KDM3A: variants seen among roughly 807,000 people sequenced by gnomAD.
The protein encoded by KDM3A is lysine demethylase 3A.
In KDM3A, 60 loss-of-function variants were observed where a neutral mutation model predicts 158.0. The observed-to-expected ratio is 0.38, with a 90% CI of 0.31 to 0.47. The LOEUF is 0.47. Among genes scored for constraint, KDM3A ranks in the 20% least tolerant of loss-of-function variants. The probability of loss-of-function intolerance (pLI) is 0.99; values close to 1 mark genes in which losing one functional copy is unlikely to be tolerated. For synonymous variants in KDM3A, 608 were observed against 549.3 expected (o/e 1.11, Z -1.49); for missense variants, 1,319 against 1,574.3 (o/e 0.84, Z 2.74).
At chr2:86,465,627 A>G (rs931840717) in intron 9 of KDM3A, among the ~76,000 whole-genome samples, 7 of 152,160 alleles carry the variant, frequency 4.6e-5, no homozygotes, top group Middle Eastern at 3.4e-3. Flanking sequence ...CAGTCTGGTC[A>G]TGAACTCCTG....
At chr2:86,465,761 A>T (rs1487543327) in intron 9 of KDM3A, among the ~76,000 whole-genome samples, 1 of 152,074 alleles carries the variant, frequency 6.6e-6, no homozygotes, top group Non-Finnish European at 1.5e-5. Flanking sequence ...GGGATTTCTA[A>T]CATTTTTTAT....
In KDM3A at chr2:86,441,999, TGTTTTTGTGTTTTTGCAGGGA is replaced by T. The variant is rs1682740894; in HGVS notation, c.-30-17_-27del. 3 of 1,605,086 alleles carry T rather than the reference TGTTTTTGTGTTTTTGCAGGGA, an allele frequency of 1.9e-6. No individual in the cohort carries two copies. The highest frequency in any genetic ancestry group is 2.6e-6 in the Non-Finnish European group (3 of 1,173,906). ...CCCACCGGCCGCCCCCGTCGCATTTTGTTTTTGTGTTTTTGCAGGGAGGAGCTCTTCCTGCAGGCGTGGAAA... is the reference window on the plus strand; with the variant it reads ...CCCACCGGCCGCCCCCGTCGCATTTTGGAGCTCTTCCTGCAGGCGTGGAAA... On this transcript the variant is annotated splice_acceptor_variant and splice_polypyrimidine_tract_variant and 5_prime_UTR_variant and intron_variant, in exon 2 of 26. Transcript: ENST00000312912. LOFTEE classifies it low-confidence loss of function (5UTR_SPLICE).
At chr2:86,446,218 A>G (rs1354080138) in intron 2 of KDM3A, among the ~76,000 whole-genome samples, 1 of 152,244 alleles carries the variant, frequency 6.6e-6, no homozygotes, top group Non-Finnish European at 1.5e-5. Flanking sequence ...ACCCATTAAA[A>G]GAAGAGCAGA....
intron 8 of KDM3A, among the ~76,000 whole-genome samples, chr2:86,461,368 G>T (rs1672922508): frequency 6.6e-6 from 1 of 152,080 alleles, no homozygotes; most frequent in Non-Finnish European, 1.5e-5. Context: ...GATCTACAGT[G>T]GTGATCATCA....
In KDM3A at chr2:86,485,710, C is replaced by T. The variant is rs748428328; in HGVS notation, c.3183-19C>T. ...GAAAAGCAATCTAACTTTGCAAATTCCTGGTTCTGTTGTTCTAGGTTTGAT... is the reference window on the plus strand; with the variant it reads ...GAAAAGCAATCTAACTTTGCAAATTTCTGGTTCTGTTGTTCTAGGTTTGAT... On this transcript the variant is annotated intron_variant, in intron 20 of 25. Transcript: ENST00000312912. 6.2e-7 allele frequency: 1 copy of T among 1,610,038 alleles called. No homozygotes were observed. Among genetic ancestry groups the T allele is most frequent in the South Asian group, 1.1e-5 (1 of 91,000 alleles).
At chr2:86,480,481 G>C in intron 16 of KDM3A, 119 bp downstream of exon 16, 1 of 795,788 alleles carries the variant, frequency 1.3e-6, no homozygotes, top group East Asian at 2.8e-5. Flanking sequence ...GAGTCATCCT[G>C]GAACCTGCCA....
At chr2:86,459,213 G>C (rs1419517793) in intron 8 of KDM3A, among the ~76,000 whole-genome samples, 1 of 152,136 alleles carries the variant, frequency 6.6e-6, no homozygotes, top group East Asian at 1.9e-4. Context: ...TGGTCTAGAA[G>C]GGAACAGATA....
intron 19 of KDM3A, chr2:86,484,599 G>A: frequency 3.8e-6 from 1 of 265,402 alleles, no homozygotes; most frequent in Non-Finnish European, 7.2e-6. Context: ...GTGGGCAAAA[G>A]GGAGCGGCTG....
At chr2:86,477,099 A>G (rs766814415) in intron 12 of KDM3A, among the ~76,000 whole-genome samples, 5 of 152,176 alleles carry the variant, frequency 3.3e-5, no homozygotes, top group African/African-American at 4.8e-5. Flanking sequence ...GAAGGGTTCA[A>G]TGGCCCATCC....
At chr2:86,474,713 G>T in intron 11 of KDM3A, 63 bp from the exon 12 acceptor site, 1 of 707,432 alleles carries the variant, frequency 1.4e-6, no homozygotes, top group East Asian at 2.6e-5. Context: ...GTGTGTGTGT[G>T]TGTGTGTGTG....
At chr2:86,453,495 GA>G (rs1558607666) in intron 4 of KDM3A, among the ~76,000 whole-genome samples, 1 of 152,278 alleles carries the variant, frequency 6.6e-6, no homozygotes, top group African/African-American at 2.4e-5. Context: ...CTGTTGGTAA[GA>G]AAAAGATAAG....
In KDM3A at chr2:86,492,335, C is replaced by T; in HGVS notation, c.*216C>T. On this transcript the variant is annotated 3_prime_UTR_variant, in exon 26 of 26. Coordinates refer to ENST00000312912, the MANE Select transcript of KDM3A (RefSeq NM_018433.6). ...AACATGCATCCTTAAACTGTGACTT[C>T]TCACCTAGTGCAGAACTTTTACCAG... 8.3e-6 allele frequency: 4 copies of T among 481,990 alleles called. No homozygotes were observed. Among genetic ancestry groups the T allele is most frequent in the Non-Finnish European group, 1.5e-5 (4 of 269,042 alleles). The allele number at this position is 481,990 out of a possible 1,614,324, so 29.9% of individuals were successfully genotyped here. A position where few individuals can be genotyped will look rare whatever the true frequency, so the allele number is the denominator to read the frequency against.
Position 86,459,966 on chromosome 2 carries a change from G to A in KDM3A, c.843+2895G>A, listed in dbSNP as rs532554439. 6.6e-5 allele frequency among the ~76,000 whole-genome samples: 10 copies of A among 152,288 alleles called. No homozygotes were observed. In the East Asian group the frequency reaches 7.7e-4, roughly 12 times the overall value. On this transcript the variant is annotated intron_variant, in intron 8 of 25. Coordinates refer to ENST00000312912, the MANE Select transcript of KDM3A (RefSeq NM_018433.6). ...AGCTCTTGAGCTCTATGCTAGTCAC[G>A]TCATTCTAAAGGAAGTCGAAGGTGG...
intron 8 of KDM3A, among the ~76,000 whole-genome samples, 194 bp from the exon 9 acceptor site, chr2:86,463,859 G>C (rs1272903074): frequency 6.6e-6 from 1 of 152,220 alleles, no homozygotes; most frequent in Non-Finnish European, 1.5e-5. Context: ...TTTGTGAAAA[G>C]CTGGAGTGAT....
intron 12 of KDM3A, among the ~76,000 whole-genome samples, chr2:86,475,426 G>C (rs1673619623): frequency 6.6e-6 from 1 of 152,220 alleles, no homozygotes; most frequent in Non-Finnish European, 1.5e-5. Flanking sequence ...AATGAGAACA[G>C]GTTCAGAATG....
intron 12 of KDM3A, among the ~76,000 whole-genome samples, chr2:86,476,119 T>A (rs746073476): frequency 3.3e-5 from 5 of 152,194 alleles, no homozygotes; most frequent in African/African-American, 4.8e-5. Flanking sequence ...ACAAGCAATA[T>A]TAGTTTTCCA....
In KDM3A at chr2:86,489,569, G is replaced by A; in HGVS notation, c.3483G>A (p.Lys1161=). Residue 1161 remains lysine, a synonymous_variant, in exon 23 of 26, where the codon AAG becomes AAA. Coordinates refer to ENST00000312912, the MANE Select transcript of KDM3A (RefSeq NM_018433.6). ...GAGATTCTGACGAACTCACAATAAA[G>A]CGATTTATTGAAGGAAAAGAGAAGC... ...QDGDSDELTI[K]RFIEGKEKPG... is the part of the protein sequence containing the mutation. The A allele has an allele frequency of 6.2e-7, 1 of 1,613,948 alleles. No individual in the cohort carries two copies. Among genetic ancestry groups the A allele is most frequent in the Non-Finnish European group, 8.5e-7 (1 of 1,179,936 alleles).
intron 4 of KDM3A, among the ~76,000 whole-genome samples, chr2:86,451,478 TAAAAG>T (rs907945707): frequency 5.9e-5 from 9 of 152,302 alleles, no homozygotes; most frequent in East Asian, 3.9e-4. Context: ...ATTAGCTAGA[TAAAAG>T]AAAATGTTAT....
At chr2:86,481,496 TG>T (rs936117090) in intron 16 of KDM3A, among the ~76,000 whole-genome samples, 2 of 150,484 alleles carry the variant, frequency 1.3e-5, no homozygotes, top group Non-Finnish European at 3.0e-5. Flanking sequence ...TGTTTGGTTT[TG>T]TTTTTTTTTT....
Sources: allele counts gnomAD v4.1 joint callset (sites outside exome capture counted in the v4.1 genomes callset), GRCh38; gene constraint gnomAD v4.1.1; transcripts MANE v1.5; gene names NCBI Gene and HGNC (gene_info 2026-07-23, HGNC 2026-07-21).